IGF1R: variants seen among roughly 807,000 people sequenced by gnomAD.
IGF1R encodes insulin-like growth factor 1 receptor.
Under a neutral mutation model 144.6 loss-of-function variants are expected in IGF1R, and 44 were observed. That is an observed-to-expected ratio of 0.30 (90% CI 0.24 to 0.39). The LOEUF (loss-of-function observed/expected upper bound fraction) is 0.39, where lower values mean the gene tolerates loss of function less well. Among genes scored for constraint, IGF1R ranks in the 10% least tolerant of loss-of-function variants. The pLI, the probability that IGF1R is intolerant of heterozygous loss-of-function variation, is 1.00. For missense variants in IGF1R, 1,355 were observed against 1,833.7 expected (o/e 0.74, Z 4.77); for synonymous variants, 795 against 722.8 (o/e 1.10, Z -1.60).
chr15:98,801,779 G>A (rs1480045992), intron 2 of IGF1R, among the ~76,000 whole-genome samples: 3 of 152,192 alleles, frequency 2.0e-5, no homozygotes, highest in Admixed American at 2.0e-4. Context: ...GAACAGAGAC[G>A]ACCACACTGG....
chr15:98,783,187 C>T (rs964523097), intron 2 of IGF1R, among the ~76,000 whole-genome samples: 1 of 152,142 alleles, frequency 6.6e-6, no homozygotes, highest in African/African-American at 2.4e-5. Context: ...AGAGTAATTC[C>T]ATGCACCATT....
At chr15:98,719,839 A>T (rs1015356687) in intron 2 of IGF1R, among the ~76,000 whole-genome samples, 1 of 152,162 alleles carries the variant, frequency 6.6e-6, no homozygotes, top group Non-Finnish European at 1.5e-5. Flanking sequence ...TTATTTGGGT[A>T]ACCCCAACTC....
At chr15:98,664,595 G>GT (rs2052681946) in intron 1 of IGF1R, among the ~76,000 whole-genome samples, 1 of 150,160 alleles carries the variant, frequency 6.7e-6, no homozygotes, top group South Asian at 2.1e-4. Context: ...AACCTGGGAG[G>GT]TGGAGGTTGG....
intron 2 of IGF1R, among the ~76,000 whole-genome samples, chr15:98,867,926 C>A (rs1027353451): frequency 6.6e-6 from 1 of 152,088 alleles, no homozygotes; most frequent in Non-Finnish European, 1.5e-5. Context: ...CCAGGCCAGG[C>A]GCAGTGGCTC....
chr15:98,873,832 C>T (rs937591529), intron 2 of IGF1R: 1 of 152,168 alleles, frequency 6.6e-6, no homozygotes, highest in Non-Finnish European at 1.5e-5. Context: ...CCTTTCAACC[C>T]TCAAAATTGT....
intron 2 of IGF1R, among the ~76,000 whole-genome samples, chr15:98,739,078 T>G (rs2054678109): frequency 6.6e-6 from 1 of 152,194 alleles, no homozygotes; most frequent in Admixed American, 6.5e-5. Flanking sequence ...TATAAGTGAG[T>G]GTGGAAACAG....
At chr15:98,843,941 A>G (rs1306755157) in intron 2 of IGF1R, among the ~76,000 whole-genome samples, 1 of 152,236 alleles carries the variant, frequency 6.6e-6, no homozygotes, top group Admixed American at 6.5e-5. Context: ...CCTGTGAACT[A>G]TGCGTTTGCT....
chr15:98,897,225 A>T (rs137918058), intron 4 of IGF1R: 117 of 352,562 alleles, frequency 3.3e-4, no homozygotes, highest in African/African-American at 1.6e-3. Flanking sequence ...ATTGGATCAG[A>T]CGTGTGACTC....
chr15:98,669,304 A>G (rs776109439), intron 1 of IGF1R, among the ~76,000 whole-genome samples: 1 of 152,168 alleles, frequency 6.6e-6, no homozygotes, highest in Non-Finnish European at 1.5e-5. Context: ...AGTGTGCTTA[A>G]ATGAAGGGTA....
At position 98,913,010 on chromosome 15, in the gene IGF1R, C is replaced by T. The variant is rs752572417; in HGVS notation, c.1590-34C>T. The T allele has an allele frequency of 3.0e-5, 44 of 1,487,462 alleles. No individual in the cohort carries two copies. In the South Asian group the frequency reaches 4.5e-4, roughly 15 times the overall value. 92.1% of individuals were successfully genotyped at this position (1,487,462 alleles called of 1,614,324 possible). ...ATTTTTGAGGGTTTTGATGTCAGAGCCCCGAACTTTCTCTGAACTTAATTG... is the reference window on the plus strand; with the variant it reads ...ATTTTTGAGGGTTTTGATGTCAGAGTCCCGAACTTTCTCTGAACTTAATTG... On this transcript the variant is annotated intron_variant, in intron 7 of 20. Transcript: ENST00000650285.
intron 2 of IGF1R, among the ~76,000 whole-genome samples, chr15:98,751,502 A>C (rs1272181662): frequency 6.6e-6 from 1 of 152,212 alleles, no homozygotes; most frequent in Non-Finnish European, 1.5e-5. Context: ...ATGGTAGTGT[A>C]AAGTGACATG....
Position 98,916,127 on chromosome 15 carries a change from C to T in IGF1R, c.1992C>T (p.Ser664=). The T allele has an allele frequency of 6.2e-7, 1 of 1,614,116 alleles. No individual in the cohort carries two copies. The change falls in exon 9 of 21, where the codon TCC becomes TCT. Residue 664 remains serine (S), a synonymous_variant. Transcript: ENST00000650285. ...DGYLYRHNYC[S]KDKIPIRKYA... ...ACCTTTACCGGCACAATTACTGCTC[C>T]AAAGGTAAGGGTGCAGCAGCGGCCT...
rs201392973 is a variant in IGF1R at position 98,652,925 on chromosome 15, CAATA to C, written c.94+3253_94+3256del. 3.1e-3 allele frequency among the ~76,000 whole-genome samples: 433 copies of C among 139,964 alleles called. 4 individuals carry two copies. Among genetic ancestry groups the C allele is most frequent in the East Asian group, 0.016 (78 of 4,858 alleles). The allele number at this position is 139,964 out of a possible 152,430, so 91.8% of individuals were successfully genotyped here. ...CTTTAATGGTATGTGAATTATATCT[CAATA>C]AACCCTTTTTTTTTTTTTTAAAGAA... On this transcript the variant is annotated intron_variant, in intron 1 of 20. Transcript: ENST00000650285.
At chr15:98,672,071 T>C (rs1567067879) in intron 1 of IGF1R, among the ~76,000 whole-genome samples, 2 of 152,218 alleles carry the variant, frequency 1.3e-5, no homozygotes, top group Non-Finnish European at 2.9e-5. Flanking sequence ...TGCACAGACA[T>C]TTTCCACAAT....
chr15:98,669,727 G>T (rs531959022), intron 1 of IGF1R, among the ~76,000 whole-genome samples: 3 of 152,200 alleles, frequency 2.0e-5, no homozygotes, highest in Non-Finnish European at 2.9e-5. Context: ...TGGAAGCTGA[G>T]GTGTGTCTGC....
At chr15:98,835,681 A>G (rs1432687843) in intron 2 of IGF1R, among the ~76,000 whole-genome samples, 2 of 152,220 alleles carry the variant, frequency 1.3e-5, no homozygotes, top group Non-Finnish European at 2.9e-5. Flanking sequence ...GAGGAATCAA[A>G]AGCCAGACCC....
chr15:98,673,444 T>C (rs1048545574), intron 1 of IGF1R, among the ~76,000 whole-genome samples: 1 of 152,222 alleles, frequency 6.6e-6, no homozygotes, highest in East Asian at 1.9e-4. Flanking sequence ...TGTAGTCTTC[T>C]GGAGGCTCTC....
chr15:98,712,901 C>T (rs533891989), intron 2 of IGF1R, among the ~76,000 whole-genome samples: 7 of 149,766 alleles, frequency 4.7e-5, no homozygotes, highest in African/African-American at 1.5e-4. Context: ...TGAGCCACTG[C>T]GCCCGGCCAT....
chr15:98,945,678 T>C (rs900044815), intron 19 of IGF1R, among the ~76,000 whole-genome samples: 4 of 152,198 alleles, frequency 2.6e-5, no homozygotes, highest in African/African-American at 9.7e-5. Flanking sequence ...TGGCCTTCGG[T>C]TGCTCCATCT....
Sources: allele counts gnomAD v4.1 joint callset (sites outside exome capture counted in the v4.1 genomes callset), GRCh38; gene constraint gnomAD v4.1.1; transcripts MANE v1.5; gene names NCBI Gene and HGNC (gene_info 2026-07-23, HGNC 2026-07-21).